The following CSMD1 variants were observed in gnomAD, a reference collection of about 807,000 sequenced individuals.
CSMD1 encodes CUB and sushi domain-containing protein 1.
A neutral mutation model predicts 417.5 loss-of-function variants in CSMD1; 213 were observed. That is an observed-to-expected ratio of 0.51 (90% confidence interval 0.46 to 0.57). The LOEUF (loss-of-function observed/expected upper bound fraction) is 0.57, where lower values mean the gene tolerates loss of function less well. CSMD1 is among the 20% of genes least tolerant of loss of function. CSMD1 has a pLI of 0.00. For missense variants in CSMD1, 6,923 were observed against 4,529.7 expected, an observed-to-expected ratio of 1.53 and a Z score of -15.17; for synonymous variants, 2,862 against 1,736.8, an observed-to-expected ratio of 1.65 and a Z score of -16.11.
At chr8:3,918,184 G>C (rs1176911098) in intron 5 of CSMD1, among the ~76,000 whole-genome samples, 1 of 151,988 alleles carries the variant, frequency 6.6e-6, no homozygotes, top group South Asian at 2.1e-4. Context: ...TCAAAATCCT[G>C]ATTTCATATT....
intron 3 of CSMD1, among the ~76,000 whole-genome samples, chr8:4,314,996 T>C: frequency 6.6e-6 from 1 of 152,136 alleles, no homozygotes; most frequent in East Asian, 1.9e-4. Flanking sequence ...CTAATAGTAC[T>C]GACAGCCCCA....
chr8:3,293,112 C>G (rs1803701631), intron 25 of CSMD1, among the ~76,000 whole-genome samples: 1 of 150,268 alleles, frequency 6.7e-6, no homozygotes, highest in African/African-American at 2.4e-5. Context: ...ATATGAAATT[C>G]TGGGTTGAAA....
chr8:4,363,655 C>G (rs867940504), intron 3 of CSMD1, among the ~76,000 whole-genome samples: 33 of 152,296 alleles, frequency 2.2e-4, no homozygotes, highest in African/African-American at 7.7e-4. Context: ...AACTGGCAGG[C>G]AGCCTTTAAA....
chr8:4,193,489 G>C lies in CSMD1; in HGVS notation c.416-161390C>G, dbSNP rs542932751. On this transcript the variant is annotated intron_variant, in intron 3 of 69. Coordinates refer to ENST00000635120, the MANE Select transcript of CSMD1 (RefSeq NM_033225.6). Reference sequence around the variant, plus strand: ...GATGGAATGATGGACATTAGGGAAGGTGACGATGGCTTCAGTCTTGCTGAT... The same window carrying C: ...GATGGAATGATGGACATTAGGGAAGCTGACGATGGCTTCAGTCTTGCTGAT... Among the ~76,000 whole-genome samples the C allele has an allele frequency of 1.4e-3, 215 of 151,948 alleles. 1 individual carries two copies. The highest frequency in any genetic ancestry group is 1.7e-3 in the Non-Finnish European group (116 of 68,030).
intron 7 of CSMD1, among the ~76,000 whole-genome samples, chr8:3,671,515 TC>T (rs374614060): frequency 6.0e-3 from 18 of 2,984 alleles, no homozygotes; most frequent in Admixed American, 0.015. Context: ...ATATATATGA[TC>T]ATATATATGA....
intron 2 of CSMD1, among the ~76,000 whole-genome samples, chr8:4,598,721 A>G (rs1800415203): frequency 6.6e-6 from 1 of 152,230 alleles, no homozygotes; most frequent in Non-Finnish European, 1.5e-5. Context: ...CAGTGTGGGT[A>G]CTGGTACTCA....
intron 2 of CSMD1, among the ~76,000 whole-genome samples, chr8:4,567,012 T>C (rs977409666): frequency 1.3e-5 from 2 of 152,270 alleles, no homozygotes; most frequent in East Asian, 3.9e-4. Flanking sequence ...GTATGTATTT[T>C]TCAAGGTATT....
At chr8:3,131,856 A>G (rs1287578387) in intron 41 of CSMD1, among the ~76,000 whole-genome samples, 1 of 152,222 alleles carries the variant, frequency 6.6e-6, no homozygotes, top group Non-Finnish European at 1.5e-5. Context: ...GGAAAAATAC[A>G]TAATATTGTT....
chr8:4,559,866 C>T (rs1459453253), intron 2 of CSMD1, among the ~76,000 whole-genome samples: 2 of 152,226 alleles, frequency 1.3e-5, no homozygotes, highest in Admixed American at 6.5e-5. Flanking sequence ...TGCCCCTTCT[C>T]CAGGAAAACG....
chr8:3,810,432 G>C (rs1235950891), intron 5 of CSMD1, among the ~76,000 whole-genome samples: 1 of 152,128 alleles, frequency 6.6e-6, no homozygotes, highest in African/African-American at 2.4e-5. Context: ...GTTAAGAAGG[G>C]ATCGAAGGGA....
intron 2 of CSMD1, among the ~76,000 whole-genome samples, chr8:4,610,395 G>A (rs1220981518): frequency 6.6e-6 from 1 of 152,168 alleles, no homozygotes; most frequent in Non-Finnish European, 1.5e-5. Flanking sequence ...CATGCAGAAA[G>A]TTTCAAATAT....
At chr8:4,763,625 C>T (rs1812263143) in intron 1 of CSMD1, among the ~76,000 whole-genome samples, 1 of 151,918 alleles carries the variant, frequency 6.6e-6, no homozygotes, top group African/African-American at 2.4e-5. Context: ...CTCATTTTAC[C>T]AATTATACTT....
chr8:3,941,304 T>C (rs1810866652), intron 5 of CSMD1, among the ~76,000 whole-genome samples: 1 of 152,126 alleles, frequency 6.6e-6, no homozygotes, highest in Non-Finnish European at 1.5e-5. Flanking sequence ...TTAACCAGAT[T>C]CTCTGGAAAC....
intron 3 of CSMD1, among the ~76,000 whole-genome samples, chr8:4,254,051 G>T (rs572707874): frequency 6.6e-6 from 1 of 151,342 alleles, no homozygotes; most frequent in South Asian, 2.1e-4. Flanking sequence ...CAAGTAGCTG[G>T]GACTACTGGT....
chr8:4,717,238 C>T (rs999966477), intron 1 of CSMD1, among the ~76,000 whole-genome samples: 2 of 150,668 alleles, frequency 1.3e-5, no homozygotes, highest in Non-Finnish European at 2.9e-5. Context: ...ACATAGCTAC[C>T]TTGGTAATGG....
chr8:3,089,772 A>G (rs1045747495), intron 48 of CSMD1, among the ~76,000 whole-genome samples: 2 of 151,910 alleles, frequency 1.3e-5, no homozygotes, highest in African/African-American at 4.8e-5. Context: ...CTCTCCACTT[A>G]AACAACATAA....
At chr8:4,041,263 C>G (rs537167207) in intron 3 of CSMD1, among the ~76,000 whole-genome samples, 1 of 149,994 alleles carries the variant, frequency 6.7e-6, no homozygotes, top group African/African-American at 2.5e-5. Context: ...GTGATCCGCC[C>G]GCCTCGGCCT....
chr8:3,052,656 A>G lies in CSMD1; in HGVS notation c.7475-9T>C. On this transcript the variant is annotated splice_polypyrimidine_tract_variant and intron_variant, in intron 49 of 69. Transcript: ENST00000635120. ...GATTCCACAGGACACAGCTGAAAAG[A>G]AATGAAACAAATGTAGGCTTATTCT... is the stretch of plus-strand genomic sequence containing the variant. 1.3e-6 allele frequency: 2 copies of G among 1,571,098 alleles called. No individual in the cohort carries two copies. Among genetic ancestry groups the G allele is most frequent in the Non-Finnish European group, 1.7e-6 (2 of 1,158,436 alleles).
intron 3 of CSMD1, among the ~76,000 whole-genome samples, chr8:4,050,974 A>T (rs1416387879): frequency 1.3e-5 from 2 of 152,096 alleles, no homozygotes; most frequent in Non-Finnish European, 2.9e-5. Context: ...AAGGCTGCAG[A>T]TGGAGGAGGA....
Sources: gnomAD v4.1 joint callset for allele counts (sites outside exome capture counted in the v4.1 genomes callset) on GRCh38, gnomAD v4.1.1 for gene constraint, MANE v1.5 for transcripts, NCBI Gene and HGNC (gene_info 2026-07-23, HGNC 2026-07-21) for gene names.